KCNA5: variants seen among roughly 807,000 people sequenced by gnomAD.
KCNA5 encodes the protein cardiac potassium channel.
Under a neutral mutation model 26.5 loss-of-function variants are expected in KCNA5, and 22 were observed. The ratio of observed to expected loss-of-function variants is 0.83; its 90% confidence interval spans 0.59 to 1.18. KCNA5 has a LOEUF of 1.18. KCNA5 is among the 50% of genes most tolerant of loss of function. The pLI, the probability that KCNA5 is intolerant of heterozygous loss-of-function variation, is 0.00. For synonymous variants in KCNA5, 465 were observed against 372.8 expected, an observed-to-expected ratio of 1.25 and a Z score of -2.85; for missense variants, 916 against 843.2, an observed-to-expected ratio of 1.09 and a Z score of -1.07.
Position 5,045,391 on chromosome 12 carries a change from G to T in KCNA5, c.1244G>T (p.Arg415Leu). 6.2e-7 allele frequency: 1 copy of T among 1,614,016 alleles called. No individual in the cohort carries two copies. ...VRVFRIFKLS[R>L]HSKGLQILGK... ...GTGTTCCGCATCTTCAAGCTCTCCC[G>T]CCACTCCAAGGGGCTGCAGATCCTG... is the stretch of plus-strand genomic sequence containing the variant. Residue 415 changes from arginine to leucine, a missense_variant, in exon 1 of 1, where the codon CGC becomes CTC. Transcript: ENST00000252321. This position sits in a 1 kb window ranked among gnomAD's most constrained non-coding sequence, Gnocchi z 5.6.
rs961837873 is a variant in KCNA5, at chr12:5,046,449, A to T, written c.*460A>T. 1.9e-5 allele frequency: 4 copies of T among 207,154 alleles called. No homozygotes were observed. The highest frequency in any genetic ancestry group is 4.4e-5 in the Non-Finnish European group (4 of 91,470). 12.8% of individuals were successfully genotyped at this position (207,154 alleles called of 1,614,324 possible). ...TTTTTGTACTGTAGTTCAGATAGAG[A>T]TATTTTGGGTATATTTTCAAGATAC... On this transcript the variant is annotated 3_prime_UTR_variant, in exon 1 of 1. Transcript: ENST00000252321.
rs745360829 is a variant in KCNA5 at position 5,045,846 on chromosome 12, G to C, written c.1699G>C (p.Gly567Arg). The C allele has an allele frequency of 6.2e-7, 1 of 1,614,038 alleles. No homozygotes were observed. Among genetic ancestry groups the C allele is most frequent in the African/African-American group, 1.3e-5 (1 of 75,052 alleles). Reference protein sequence around the residue: ...SGSRGSFCKAGGTLENADSAR... With the variant: ...SGSRGSFCKARGTLENADSAR... ...GAGCAGGGGATCCTTCTGCAAGGCT[G>C]GGGGGACCCTGGAGAATGCAGACAG... The change falls in exon 1 of 1, where the codon GGG (glycine) becomes CGG (arginine). Residue 567 changes from glycine (G) to arginine (R), a missense_variant. Transcript: ENST00000252321. The surrounding 1 kb of genome is among the most constrained non-coding windows in gnomAD (Gnocchi z 5.6).
Position 5,044,643 on chromosome 12 carries a change from G to C in KCNA5, c.496G>C (p.Asp166His). ...FDPLRNEYFF[D>H]RNRPSFDGIL... Reference sequence around the variant, plus strand: ...CCCCCTGAGGAACGAGTACTTCTTCGACCGCAACCGGCCCAGCTTCGACGG... The same window carrying C: ...CCCCCTGAGGAACGAGTACTTCTTCCACCGCAACCGGCCCAGCTTCGACGG... Residue 166 changes from aspartate to histidine, a missense_variant, in exon 1 of 1, where the codon GAC (aspartate) becomes CAC (histidine). By Grantham distance (81) the Asp-to-His change is moderately conservative (BLOSUM62 -1). Coordinates refer to ENST00000252321, the MANE Select transcript of KCNA5 (RefSeq NM_002234.4). 2 of 1,614,128 alleles carry C rather than the reference G, an allele frequency of 1.2e-6. No homozygotes were observed. Among genetic ancestry groups the C allele is most frequent in the Non-Finnish European group, 8.5e-7 (1 of 1,180,048 alleles).
In KCNA5 at chr12:5,044,525, C is replaced by T. The variant is rs765402056; in HGVS notation, c.378C>T (p.Ile126=). ...SLHHQRVHIN[I]SGLRFETQLG... ...ACCACCAGCGCGTCCACATCAACATCTCCGGGCTGCGCTTTGAGACGCAGC... is the reference window on the plus strand; with the variant it reads ...ACCACCAGCGCGTCCACATCAACATTTCCGGGCTGCGCTTTGAGACGCAGC... The change falls in exon 1 of 1, where the codon ATC becomes ATT. Residue 126 remains isoleucine, a synonymous_variant. Transcript: ENST00000252321. 2 of 1,613,460 alleles carry T rather than the reference C, an allele frequency of 1.2e-6. No individual in the cohort carries two copies. The highest frequency in any genetic ancestry group is 1.3e-5 in the African/African-American group (1 of 74,940).
rs764615241 is a variant in KCNA5 at position 5,045,632 on chromosome 12, C to T, written c.1485C>T (p.Ile495=). The change falls in exon 1 of 1, where the codon ATC becomes ATT. Residue 495 remains isoleucine (I), a synonymous_variant. Coordinates refer to ENST00000252321, the MANE Select transcript of KCNA5 (RefSeq NM_002234.4). The surrounding 1 kb of genome is among the most constrained non-coding windows in gnomAD (Gnocchi z 5.6). Reference sequence around the variant, plus strand: ...GGCCCATCACTGTTGGGGGCAAGATCGTGGGCTCGCTGTGTGCCATCGCCG... The same window carrying T: ...GGCCCATCACTGTTGGGGGCAAGATTGTGGGCTCGCTGTGTGCCATCGCCG... The part of the protein sequence containing the change: ...DMRPITVGGK[I]VGSLCAIAGV... The T allele has an allele frequency of 1.2e-6, 2 of 1,614,220 alleles. No homozygotes were observed. Among genetic ancestry groups the T allele is most frequent in the South Asian group, 2.2e-5 (2 of 91,080 alleles).
At position 5,043,884 on chromosome 12, in the gene KCNA5, G is replaced by C. The variant is rs1200045033; in HGVS notation, c.-264G>C. On this transcript the variant is annotated 5_prime_UTR_variant, in exon 1 of 1. Coordinates refer to ENST00000252321, the MANE Select transcript of KCNA5 (RefSeq NM_002234.4). ...AGGCCAAGCGCGGCGCAGCCAGAGA[G>C]GGGCGGCTGAAGGTTGCATCTGCTG... The C allele has an allele frequency of 4.0e-6, 2 of 497,136 alleles. No individual in the cohort carries two copies. Among genetic ancestry groups the C allele is most frequent in the Admixed American group, 7.0e-5 (2 of 28,614 alleles). 30.8% of individuals were successfully genotyped at this position (497,136 alleles called of 1,614,324 possible). A position where few individuals can be genotyped will look rare whatever the true frequency, so the allele number is the denominator to read the frequency against.
chr12:5,044,522 C>T lies in KCNA5; in HGVS notation c.375C>T (p.Asn125=), dbSNP rs1366509649. 6.2e-7 allele frequency: 1 copy of T among 1,613,408 alleles called. No individual in the cohort carries two copies. ...TGCACCACCAGCGCGTCCACATCAA[C>T]ATCTCCGGGCTGCGCTTTGAGACGC... The part of the protein sequence containing the change: ...ASLHHQRVHI[N]ISGLRFETQL... Residue 125 remains asparagine, a synonymous_variant, in exon 1 of 1, where the codon AAC becomes AAT. Transcript: ENST00000252321.
chr12:5,045,845 T>TG lies in KCNA5; in HGVS notation c.1704dup (p.Thr569AspfsTer19), dbSNP rs1565466174. 7 of 1,614,074 alleles carry TG rather than the reference T, an allele frequency of 4.3e-6. No homozygotes were observed. The highest frequency in any genetic ancestry group is 5.1e-6 in the Non-Finnish European group (6 of 1,179,956). Reference sequence around the variant, plus strand: ...GGAGCAGGGGATCCTTCTGCAAGGCTGGGGGGACCCTGGAGAATGCAGACA... The same window carrying TG: ...GGAGCAGGGGATCCTTCTGCAAGGCTGGGGGGGACCCTGGAGAATGCAGACA... On this transcript the variant is annotated frameshift_variant, in exon 1 of 1. Transcript: ENST00000252321. LOFTEE classifies it high-confidence loss of function. The surrounding 1 kb of genome is among the most constrained non-coding windows in gnomAD (Gnocchi z 5.6).
rs540903138 is a variant in KCNA5, at chr12:5,045,744, G to A, written c.1597G>A (p.Ala533Thr). Residue 533 changes from alanine to threonine, a missense_variant, in exon 1 of 1, where the codon GCA (alanine) becomes ACA (threonine). Coordinates refer to ENST00000252321, the MANE Select transcript of KCNA5 (RefSeq NM_002234.4). The surrounding 1 kb of genome is among the most constrained non-coding windows in gnomAD (Gnocchi z 5.6). ...YHRETDHEEP[A>T]VLKEEQGTQS... is the part of the protein sequence containing the mutation. ...CCGGGAAACGGATCACGAGGAGCCG[G>A]CAGTCCTTAAGGAAGAGCAGGGCAC... is the stretch of plus-strand genomic sequence containing the variant. 6.2e-7 allele frequency: 1 copy of A among 1,614,036 alleles called. No individual in the cohort carries two copies. The highest frequency in any genetic ancestry group is 1.7e-5 in the Admixed American group (1 of 60,006).
chr12:5,044,909 C>T lies in KCNA5; in HGVS notation c.762C>T (p.Ile254=), dbSNP rs1257290068. 4 of 1,613,762 alleles carry T rather than the reference C, an allele frequency of 2.5e-6. No individual in the cohort carries two copies. The highest frequency in any genetic ancestry group is 3.3e-5 in the Admixed American group (2 of 60,000). Reference sequence around the variant, plus strand: ...CTGGGTCCGCGCGGGCCATCGCCATCGTCTCGGTCTTGGTTATCCTCATCT... The same window carrying T: ...CTGGGTCCGCGCGGGCCATCGCCATTGTCTCGGTCTTGGTTATCCTCATCT... ...ESSGSARAIA[I]VSVLVILISI... is the part of the protein sequence containing the mutation. Residue 254 remains isoleucine (I), a synonymous_variant, in exon 1 of 1, where the codon ATC becomes ATT. Coordinates refer to ENST00000252321, the MANE Select transcript of KCNA5 (RefSeq NM_002234.4).
In KCNA5 at chr12:5,044,429, G is replaced by A. The variant is rs750234815; in HGVS notation, c.282G>A (p.Glu94=). ...CACGGCCTCGACGGCCGCCTCCCGA[G>A]GACGAGGAGGAAGAAGGCGATCCCG... is the stretch of plus-strand genomic sequence containing the variant. The part of the protein sequence containing the change: ...ELPRPRRPPP[E]DEEEEGDPGL... The change falls in exon 1 of 1, where the codon GAG becomes GAA. Residue 94 remains glutamate, a synonymous_variant. Transcript: ENST00000252321. 27 of 1,606,184 alleles carry A rather than the reference G, an allele frequency of 1.7e-5. No individual in the cohort carries two copies. In the East Asian group the frequency reaches 5.6e-4, roughly 33 times the overall value.
In KCNA5 at chr12:5,045,790, T is replaced by C. The variant is rs773703838; in HGVS notation, c.1643T>C (p.Leu548Pro). 7 of 1,614,084 alleles carry C rather than the reference T, an allele frequency of 4.3e-6. No homozygotes were observed. The South Asian group carries it at 7.7e-5, about 18-fold the overall frequency. ...EQGTQSQGPGLDRGVQRKVSG... is the reference protein window; with the variant it reads ...EQGTQSQGPGPDRGVQRKVSG... Reference sequence around the variant, plus strand: ...GGCACTCAGAGCCAGGGGCCGGGGCTGGACAGAGGAGTCCAGCGGAAGGTC... The same window carrying C: ...GGCACTCAGAGCCAGGGGCCGGGGCCGGACAGAGGAGTCCAGCGGAAGGTC... The change falls in exon 1 of 1, where the codon CTG becomes CCG. Residue 548 changes from leucine (L) to proline (P), a missense_variant. Transcript: ENST00000252321. This position sits in a 1 kb window ranked among gnomAD's most constrained non-coding sequence, Gnocchi z 5.6.
Position 5,044,866 on chromosome 12 carries a change from T to G in KCNA5, c.719T>G (p.Phe240Cys), listed in dbSNP as rs759166659. ...NEFQRQVWLI[F>C]EYPESSGSAR... ...TTCCAGCGCCAGGTGTGGCTTATCT[T>G]CGAGTATCCGGAGAGCTCTGGGTCC... Residue 240 changes from phenylalanine (F) to cysteine (C), a missense_variant, in exon 1 of 1, where the codon TTC becomes TGC. Coordinates refer to ENST00000252321, the MANE Select transcript of KCNA5 (RefSeq NM_002234.4). 6.2e-7 allele frequency: 1 copy of G among 1,614,008 alleles called. No homozygotes were observed. Among genetic ancestry groups the G allele is most frequent in the Non-Finnish European group, 8.5e-7 (1 of 1,180,014 alleles).
rs1403101707 is a variant in KCNA5, at chr12:5,045,291, G to A, written c.1144G>A (p.Gly382Arg). The A allele has an allele frequency of 6.2e-7, 1 of 1,614,208 alleles. No individual in the cohort carries two copies. Among genetic ancestry groups the A allele is most frequent in the Non-Finnish European group, 8.5e-7 (1 of 1,180,028 alleles). The change falls in exon 1 of 1, where the codon GGG (glycine) becomes AGG (arginine). Residue 382 changes from glycine to arginine, a missense_variant. Coordinates refer to ENST00000252321, the MANE Select transcript of KCNA5 (RefSeq NM_002234.4). The surrounding 1 kb of genome is among the most constrained non-coding windows in gnomAD (Gnocchi z 5.6). ...LGTELAEQQP[G>R]GGGGGQNGQQ... ...CACCGAACTGGCAGAGCAGCAGCCAGGGGGTGGAGGAGGCGGCCAGAATGG... is the reference window on the plus strand; with the variant it reads ...CACCGAACTGGCAGAGCAGCAGCCAAGGGGTGGAGGAGGCGGCCAGAATGG...
Position 5,046,026 on chromosome 12 carries a change from G to A in KCNA5, c.*37G>A, listed in dbSNP as rs757627562. 9.9e-6 allele frequency: 16 copies of A among 1,611,948 alleles called. 1 individual carries two copies. Among genetic ancestry groups the A allele is most frequent in the African/African-American group, 1.3e-5 (1 of 74,920 alleles). On this transcript the variant is annotated 3_prime_UTR_variant, in exon 1 of 1. Transcript: ENST00000252321. ...GGCAGACTGGTGGCAGTGGAGTAGG[G>A]AATGGGAGGCTTGCTGAACATGGAT...
Position 5,045,983 on chromosome 12 carries a change from T to A in KCNA5, c.1836T>A (p.Asp612Glu), listed in dbSNP as rs1270897998. Residue 612 changes from aspartate to glutamate, a missense_variant, in exon 1 of 1, where the codon GAT becomes GAA. Asp to Glu is a conservative substitution (Grantham distance 45). Transcript: ENST00000252321. The surrounding 1 kb of genome is among the most constrained non-coding windows in gnomAD (Gnocchi z 5.6). ...ALCLDTSRET[D>E]L ...GCCTGGACACCAGCCGGGAAACAGATTTGTGAAAGGAGATTCAGGCAGACT... is the reference window on the plus strand; with the variant it reads ...GCCTGGACACCAGCCGGGAAACAGAATTGTGAAAGGAGATTCAGGCAGACT... 6.2e-7 allele frequency: 1 copy of A among 1,613,260 alleles called. No individual in the cohort carries two copies. Among genetic ancestry groups the A allele is most frequent in the Admixed American group, 1.7e-5 (1 of 60,030 alleles).
In KCNA5 at chr12:5,043,984, G is replaced by T; in HGVS notation, c.-164G>T. On this transcript the variant is annotated 5_prime_UTR_variant, in exon 1 of 1. Coordinates refer to ENST00000252321, the MANE Select transcript of KCNA5 (RefSeq NM_002234.4). Reference sequence around the variant, plus strand: ...GCAGAGAGCAGGGCAGCGGCTTCTTGACGTCAGGGCCAAGCGAGGGGATCG... The same window carrying T: ...GCAGAGAGCAGGGCAGCGGCTTCTTTACGTCAGGGCCAAGCGAGGGGATCG... 1 of 705,166 alleles carries T rather than the reference G, an allele frequency of 1.4e-6. No homozygotes were observed. The highest frequency in any genetic ancestry group is 2.3e-6 in the Non-Finnish European group (1 of 429,624). 43.7% of individuals were successfully genotyped at this position (705,166 alleles called of 1,614,324 possible).
At position 5,045,285 on chromosome 12, in the gene KCNA5, C is replaced by G. The variant is rs1448543777; in HGVS notation, c.1138C>G (p.Gln380Glu). The G allele has an allele frequency of 2.5e-6, 4 of 1,614,212 alleles. No individual in the cohort carries two copies. Among genetic ancestry groups the G allele is most frequent in the Middle Eastern group, 1.6e-4 (1 of 6,062 alleles). ...ITLGTELAEQQPGGGGGGQNG... is the reference protein window; with the variant it reads ...ITLGTELAEQEPGGGGGGQNG... ...CCTGGGCACCGAACTGGCAGAGCAG[C>G]AGCCAGGGGGTGGAGGAGGCGGCCA... The change falls in exon 1 of 1, where the codon CAG becomes GAG. Residue 380 changes from glutamine (Q) to glutamate (E), a missense_variant. Physicochemically the swap from Gln to Glu is conservative, Grantham distance 29. Transcript: ENST00000252321. This position sits in a 1 kb window ranked among gnomAD's most constrained non-coding sequence, Gnocchi z 5.6.
Position 5,045,864 on chromosome 12 carries a change from G to A in KCNA5, c.1717G>A (p.Ala573Thr), listed in dbSNP as rs771308733. Residue 573 changes from alanine to threonine, a missense_variant, in exon 1 of 1, where the codon GCA becomes ACA. By Grantham distance (58) the Ala-to-Thr change is moderately conservative. Transcript: ENST00000252321. This position sits in a 1 kb window ranked among gnomAD's most constrained non-coding sequence, Gnocchi z 5.6. ...CAAGGCTGGGGGGACCCTGGAGAAT[G>A]CAGACAGTGCCCGAAGGGGCAGCTG... The part of the protein sequence containing the change: ...FCKAGGTLEN[A>T]DSARRGSCPL... 6.2e-7 allele frequency: 1 copy of A among 1,614,166 alleles called. No individual in the cohort carries two copies. The highest frequency in any genetic ancestry group is 2.2e-5 in the East Asian group (1 of 44,878).
Sources: allele counts gnomAD v4.1 joint callset, GRCh38; gene constraint gnomAD v4.1.1; non-coding constraint Gnocchi (gnomAD v3.1); transcripts MANE v1.5; gene names NCBI Gene and HGNC (gene_info 2026-07-23, HGNC 2026-07-21).